The following GALNT18 variants were observed in gnomAD, a reference collection of about 807,000 sequenced individuals.
The protein encoded by GALNT18 is GalNAc-transferase 18.
Under a neutral mutation model 69.5 loss-of-function variants are expected in GALNT18, and 44 were observed. The observed-to-expected ratio is 0.63, with a 90% CI of 0.50 to 0.81. GALNT18 has a LOEUF of 0.81. Among genes scored for constraint, GALNT18 ranks in the 40% least tolerant of loss-of-function variants. The pLI is 0.00. For synonymous variants in GALNT18, 364 were observed against 318.2 expected (o/e 1.14, Z -1.53); for missense variants, 715 against 810.0 (o/e 0.88, Z 1.42).
intron 8 of GALNT18, among the ~76,000 whole-genome samples, chr11:11,328,453 T>C (rs1283947588): frequency 6.6e-6 from 1 of 152,136 alleles, no homozygotes; most frequent in East Asian, 1.9e-4. Flanking sequence ...GTACTCCTGA[T>C]GGTTTGTGGC....
chr11:11,287,688 C>T (rs1849218923), intron 10 of GALNT18, among the ~76,000 whole-genome samples: 1 of 152,158 alleles, frequency 6.6e-6, no homozygotes, highest in Non-Finnish European at 1.5e-5. Context: ...GTTCTTTAAT[C>T]CTGGAGGAAT....
At position 11,417,800 on chromosome 11, in the gene GALNT18, T is replaced by C. The variant is rs139565412; in HGVS notation, c.595+14821A>G. On this transcript the variant is annotated intron_variant, in intron 3 of 10. Coordinates refer to ENST00000227756, the MANE Select transcript of GALNT18 (RefSeq NM_198516.3). ...CAGCTGGATCCAACTAGGGCTCAAA[T>C]GCTGGGTCTGCCATTCCCAGCTGTG... Among the ~76,000 whole-genome samples, 173 of 152,298 alleles carry C rather than the reference T, an allele frequency of 1.1e-3. 1 individual carries two copies. Among genetic ancestry groups the C allele is most frequent in the African/African-American group, 4.0e-3 (167 of 41,572 alleles).
At chr11:11,490,443 T>G (rs1856744377) in intron 1 of GALNT18, among the ~76,000 whole-genome samples, 1 of 152,128 alleles carries the variant, frequency 6.6e-6, no homozygotes, top group Non-Finnish European at 1.5e-5. Context: ...ATGCCTTACC[T>G]CCTAAGGCTG....
chr11:11,506,025 C>T (rs1355272934), intron 1 of GALNT18, among the ~76,000 whole-genome samples: 1 of 152,180 alleles, frequency 6.6e-6, no homozygotes, highest in Non-Finnish European at 1.5e-5. Context: ...TGCAGTCACC[C>T]TGCAGCAACT....
At chr11:11,281,988 C>T (rs1405971347) in intron 10 of GALNT18, among the ~76,000 whole-genome samples, 1 of 152,024 alleles carries the variant, frequency 6.6e-6, no homozygotes, top group Non-Finnish European at 1.5e-5. Flanking sequence ...TGACCTGCTC[C>T]CTGGGAACAC....
chr11:11,413,517 A>C lies in GALNT18; in HGVS notation c.595+19104T>G, dbSNP rs572604235. ...CTTAACAACATTAGACTGCAATTTCAGGTTTATATAATTTGGTGCTTAATG... is the reference window on the plus strand; with the variant it reads ...CTTAACAACATTAGACTGCAATTTCCGGTTTATATAATTTGGTGCTTAATG... On this transcript the variant is annotated intron_variant, in intron 3 of 10. Transcript: ENST00000227756. The surrounding 1 kb of genome is among the most constrained non-coding windows in gnomAD (Gnocchi z 4.7). Among the ~76,000 whole-genome samples the C allele has an allele frequency of 1.4e-4, 21 of 152,230 alleles. 1 individual carries two copies. The South Asian group carries it at 3.7e-3, about 27-fold the overall frequency.
chr11:11,575,900 A>C (rs1480461095), intron 1 of GALNT18, among the ~76,000 whole-genome samples: 2 of 152,208 alleles, frequency 1.3e-5, no homozygotes, highest in African/African-American at 4.8e-5. Flanking sequence ...ATCTGCTTTA[A>C]ATATTGAAAA....
intron 3 of GALNT18, among the ~76,000 whole-genome samples, chr11:11,400,080 C>T (rs1854425544): frequency 6.6e-6 from 1 of 152,168 alleles, no homozygotes; most frequent in Non-Finnish European, 1.5e-5. Flanking sequence ...ACTTCTGAGA[C>T]TAAACCATAA....
rs1035236198 is a variant in GALNT18, at chr11:11,477,218, T to C, written c.236-28282A>G. Among the ~76,000 whole-genome samples, 4 of 152,150 alleles carry C rather than the reference T, an allele frequency of 2.6e-5. No individual in the cohort carries two copies. The East Asian group carries it at 7.7e-4, about 29-fold the overall frequency. ...CCATGGAGGGAATGCCAGCCTGCAA[T>C]TGTTTTAGTAGGCATCCTGCCCAGG... On this transcript the variant is annotated intron_variant, in intron 1 of 10. Coordinates refer to ENST00000227756, the MANE Select transcript of GALNT18 (RefSeq NM_198516.3).
chr11:11,414,255 A>G (rs984406864), intron 3 of GALNT18, among the ~76,000 whole-genome samples: 2 of 152,250 alleles, frequency 1.3e-5, no homozygotes, highest in Non-Finnish European at 2.9e-5. Flanking sequence ...GAGAGCTTCA[A>G]AAATGCCCAT....
intron 6 of GALNT18, among the ~76,000 whole-genome samples, chr11:11,350,934 C>A (rs1472258334): frequency 2.0e-5 from 3 of 152,154 alleles, no homozygotes; most frequent in African/African-American, 2.4e-5. Flanking sequence ...CTATTTCCAG[C>A]AGTTCTGAGA....
At chr11:11,390,207 G>C (rs1854152764) in intron 3 of GALNT18, among the ~76,000 whole-genome samples, 1 of 152,118 alleles carries the variant, frequency 6.6e-6, no homozygotes, top group Non-Finnish European at 1.5e-5. Context: ...TCCTGGTCCA[G>C]CCTTCTCTGC....
At chr11:11,593,173 G>A (rs1045522913) in intron 1 of GALNT18, among the ~76,000 whole-genome samples, 1 of 152,046 alleles carries the variant, frequency 6.6e-6, no homozygotes, top group African/African-American at 2.4e-5. Context: ...TCGGCCTCCC[G>A]CTTCGTTTTA....
At position 11,337,689 on chromosome 11, in the gene GALNT18, C is replaced by A. The variant is rs116814578; in HGVS notation, c.1278+3130G>T. On this transcript the variant is annotated intron_variant, in intron 7 of 10. Transcript: ENST00000227756. The surrounding 1 kb of genome is among the most constrained non-coding windows in gnomAD (Gnocchi z 4.9). ...ATGGGGAAGATTTAGTAGGGGTGGT[C>A]ATACAGGAAGAGGTAGAGGGTAGGG... 5.8e-3 allele frequency among the ~76,000 whole-genome samples: 878 copies of A among 152,076 alleles called. 7 individuals are homozygous for A. The highest frequency in any genetic ancestry group is 0.02 in the African/African-American group (836 of 41,478).
In GALNT18 at chr11:11,346,669, A is replaced by G. The variant is rs530054136; in HGVS notation, c.1093-5665T>C. Among the ~76,000 whole-genome samples, 19 of 152,334 alleles carry G rather than the reference A, an allele frequency of 1.2e-4. No individual in the cohort carries two copies. In the East Asian group the frequency reaches 1.5e-3, roughly 12 times the overall value. ...TCACAAAATGCTCAGATATGCCTAC[A>G]GAGGAGCTGCTGGGACCACCTCCCA... On this transcript the variant is annotated intron_variant, in intron 6 of 10. Coordinates refer to ENST00000227756, the MANE Select transcript of GALNT18 (RefSeq NM_198516.3).
intron 1 of GALNT18, among the ~76,000 whole-genome samples, chr11:11,559,843 T>G (rs1236218918): frequency 6.9e-6 from 1 of 145,556 alleles, no homozygotes; most frequent in Non-Finnish European, 1.5e-5. Flanking sequence ...TATGATGGGA[T>G]GGGGTGAAAT....
intron 10 of GALNT18, among the ~76,000 whole-genome samples, chr11:11,278,935 T>G (rs1270864782): frequency 6.6e-6 from 1 of 152,250 alleles, no homozygotes; most frequent in East Asian, 1.9e-4. Context: ...ACACATTATA[T>G]GCCTGTATGA....
intron 3 of GALNT18, among the ~76,000 whole-genome samples, chr11:11,405,813 G>T (rs1854576455): frequency 6.6e-6 from 1 of 152,232 alleles, no homozygotes; most frequent in Non-Finnish European, 1.5e-5. Context: ...ATGGGTAAGA[G>T]TTCTATGTGG....
intron 3 of GALNT18, among the ~76,000 whole-genome samples, chr11:11,399,548 A>G (rs1020535665): frequency 6.6e-6 from 1 of 152,170 alleles, no homozygotes; most frequent in African/African-American, 2.4e-5. Flanking sequence ...ACATGTAAAC[A>G]ACAACAACAG....
Sources: allele counts gnomAD v4.1 joint callset (sites outside exome capture counted in the v4.1 genomes callset), GRCh38; gene constraint gnomAD v4.1.1; non-coding constraint Gnocchi (gnomAD v3.1); transcripts MANE v1.5; gene names NCBI Gene and HGNC (gene_info 2026-07-23, HGNC 2026-07-21).